FRYL: variants seen among roughly 807,000 people sequenced by gnomAD.
FRYL encodes FRY like transcription coactivator, also known as protein furry homolog-like.
FRYL carries 150 observed loss-of-function variants against 351.2 expected under a neutral mutation model. The observed-to-expected ratio is 0.43, with a 90% CI of 0.37 to 0.49. The LOEUF (loss-of-function observed/expected upper bound fraction) is 0.49. FRYL is among the 20% of genes least tolerant of loss of function. FRYL has a pLI of 0.00. For synonymous variants in FRYL, 1,153 were observed against 1,257.1 expected (o/e 0.92, Z 1.75); for missense variants, 3,036 against 3,619.3 (o/e 0.84, Z 4.13).
At position 48,499,673 on chromosome 4, in the gene FRYL, A is replaced by G. The variant is rs1719103912; in HGVS notation, c.8791T>C (p.Trp2931Arg). 2 of 1,613,582 alleles carry G rather than the reference A, an allele frequency of 1.2e-6. No individual in the cohort carries two copies. The highest frequency in any genetic ancestry group is 1.1e-5 in the South Asian group (1 of 90,990). The stretch of plus-strand genomic sequence containing the variant: ...CAACTGCCAAAGATATCACTGGGCC[A>G]GAGAGATCTGAAAATACACAATAGT... Reference protein sequence around the residue: ...VAQVKAFRSLWPSDIFGSCED... With the variant: ...VAQVKAFRSLRPSDIFGSCED... Residue 2931 changes from tryptophan to arginine, a missense_variant, in exon 64 of 64, where the codon TGG (tryptophan) becomes CGG (arginine). Coordinates refer to ENST00000358350, the MANE Select transcript of FRYL (RefSeq NM_015030.2).
Position 48,535,694 on chromosome 4 carries a change from GAGA to G in FRYL, c.6524_6526del (p.Phe2175del). 6.3e-7 allele frequency: 1 copy of G among 1,596,612 alleles called. No individual in the cohort carries two copies. Among genetic ancestry groups the G allele is most frequent in the South Asian group, 1.2e-5 (1 of 86,722 alleles). ...AGTCACAAGATTAAATGTTGTATCTGAGAAGGAGTCATGCAGGTATCTGCACAC... is the reference window on the plus strand; with the variant it reads ...AGTCACAAGATTAAATGTTGTATCTGAGGAGTCATGCAGGTATCTGCACAC... On this transcript the variant is annotated inframe_deletion, in exon 48 of 64. Coordinates refer to ENST00000358350, the MANE Select transcript of FRYL (RefSeq NM_015030.2).
At chr4:48,547,511 A>T in intron 41 of FRYL, 73 bp downstream of exon 41, 1 of 794,518 alleles carries the variant, frequency 1.3e-6, no homozygotes, top group Non-Finnish European at 1.9e-6. Flanking sequence ...TATTCAGTTG[A>T]CTTTCTCTAA....
At chr4:48,502,146 G>A (rs766197716) in intron 61 of FRYL, among the ~76,000 whole-genome samples, 5 of 152,054 alleles carry the variant, frequency 3.3e-5, no homozygotes, top group South Asian at 2.1e-4. Flanking sequence ...AAGTGAAACC[G>A]GATAACCTCT....
chr4:48,525,162 G>GATATATAT (rs1560536410), intron 53 of FRYL, among the ~76,000 whole-genome samples: 2 of 118,454 alleles, frequency 1.7e-5, no homozygotes, highest in Admixed American at 8.4e-5. Context: ...TATTTTTAAA[G>GATATATAT]GTATATATAT....
At chr4:48,534,269 CAG>C (rs1728386262) in intron 49 of FRYL, among the ~76,000 whole-genome samples, 1 of 152,088 alleles carries the variant, frequency 6.6e-6, no homozygotes, top group Admixed American at 6.6e-5. Context: ...TCCTAATTTC[CAG>C]AGTTTTGACT....
At chr4:48,625,297 A>G (rs990472270) in intron 4 of FRYL, among the ~76,000 whole-genome samples, 1 of 152,182 alleles carries the variant, frequency 6.6e-6, no homozygotes. Flanking sequence ...ATGTATACAC[A>G]TTTGCAAAGA....
chr4:48,621,137 CTA>C (rs1387973481), intron 5 of FRYL, among the ~76,000 whole-genome samples: 1 of 152,188 alleles, frequency 6.6e-6, no homozygotes, highest in Non-Finnish European at 1.5e-5. Context: ...CTGGCAACTC[CTA>C]TGTGTTCATG....
At chr4:48,670,359 AGAG>A (rs1166461439) in intron 3 of FRYL, among the ~76,000 whole-genome samples, 9 of 151,858 alleles carry the variant, frequency 5.9e-5, no homozygotes, top group African/African-American at 2.2e-4. Context: ...CTTGAACCCG[AGAG>A]GAGGAGGCTG....
chr4:48,683,377 CCTGCACATT>C (rs1260339164), intron 3 of FRYL, among the ~76,000 whole-genome samples: 1 of 150,660 alleles, frequency 6.6e-6, no homozygotes, highest in African/African-American at 2.4e-5. Context: ...ATGTAACAAA[CCTGCACATT>C]CTGCACATGT....
rs1364787705 is a variant in FRYL at position 48,579,183 on chromosome 4, G to A, written c.2318C>T (p.Ser773Phe). 1 of 1,613,630 alleles carries A rather than the reference G, an allele frequency of 6.2e-7. No homozygotes were observed. Among genetic ancestry groups the A allele is most frequent in the South Asian group, 1.1e-5 (1 of 91,060 alleles). Residue 773 changes from serine (S) to phenylalanine (F), a missense_variant, in exon 23 of 64, where the codon TCT becomes TTT. This residue lies in a region of FRYL where 492 missense variants were observed against 551.5 expected (regional missense o/e 0.89). Coordinates refer to ENST00000358350, the MANE Select transcript of FRYL (RefSeq NM_015030.2). ...ATCAAACTGGTGGCTAATAGGAGAA[G>A]AGTTCCATTCTGCTAAAGTTTGTAA... ...IDLQTLAEWN[S>F]SPISHQFDVI...
intron 1 of FRYL, among the ~76,000 whole-genome samples, chr4:48,761,007 C>CTGTGTGTGTGTGTGTGTG (rs57872533): frequency 1.5e-5 from 2 of 134,434 alleles, no homozygotes; most frequent in African/African-American, 3.0e-5. Context: ...ATTACTCTGT[C>CTGTGTGTGTGTGTGTGTG]TGTGTGTGTG....
chr4:48,594,045 G>T, intron 15 of FRYL, 29 bp from the exon 16 acceptor site: 1 of 1,131,442 alleles, frequency 8.8e-7, no homozygotes, highest in Non-Finnish European at 1.2e-6. Flanking sequence ...CTTATAACTT[G>T]CTACTATGTG....
intron 1 of FRYL, among the ~76,000 whole-genome samples, chr4:48,742,785 C>T (rs968778441): frequency 6.6e-6 from 1 of 151,902 alleles, no homozygotes; most frequent in African/African-American, 2.4e-5. Context: ...ACTTGTCCCA[C>T]CCTTTTGGAG....
intron 3 of FRYL, among the ~76,000 whole-genome samples, chr4:48,658,442 A>ATTC (rs1317572659): frequency 6.6e-6 from 1 of 152,036 alleles, no homozygotes; most frequent in Non-Finnish European, 1.5e-5. Flanking sequence ...AAAGAGACTG[A>ATTC]AAGGTTTTAG....
Position 48,543,832 on chromosome 4 carries a change from A to C in FRYL, c.5567T>G (p.Val1856Gly), listed in dbSNP as rs1021107878. 1.2e-6 allele frequency: 2 copies of C among 1,613,500 alleles called. No homozygotes were observed. Among genetic ancestry groups the C allele is most frequent in the African/African-American group, 2.7e-5 (2 of 74,880 alleles). The change falls in exon 44 of 64, where the codon GTA becomes GGA. Residue 1856 changes from valine (V) to glycine (G), a missense_variant. Transcript: ENST00000358350. ...CTGTGCATCTTCTCCTGGATCCCCT[A>C]CAGTTTCTACAAGTCTGGAGAGAAC... ...SDVLSRLVET[V>G]GDPGEDAQGF...
chr4:48,501,849 A>C (rs1719745049), intron 61 of FRYL, 116 bp from the exon 62 acceptor site: 1 of 689,056 alleles, frequency 1.5e-6, no homozygotes, highest in African/African-American at 1.8e-5. Flanking sequence ...TAAGGAAGTT[A>C]ATATGGTATG....
Position 48,576,268 on chromosome 4 carries a change from C to T in FRYL, c.2529-46G>A, listed in dbSNP as rs376526826. ...ATAGGCAGATATGAATAACACAACA[C>T]GTTTTTAAAAGTTTATTTTAACTAA... On this transcript the variant is annotated intron_variant, in intron 23 of 63. Coordinates refer to ENST00000358350, the MANE Select transcript of FRYL (RefSeq NM_015030.2). 63 of 1,353,684 alleles carry T rather than the reference C, an allele frequency of 4.7e-5. 1 individual carries two copies. Among genetic ancestry groups the T allele is most frequent in the Admixed American group, 4.5e-4 (17 of 37,914 alleles). The allele number at this position is 1,353,684 out of a possible 1,614,324, so 83.9% of individuals were successfully genotyped here.
chr4:48,503,086 C>T (rs1720071760), intron 60 of FRYL, among the ~76,000 whole-genome samples: 1 of 151,818 alleles, frequency 6.6e-6, no homozygotes. Flanking sequence ...TAGGCTATGA[C>T]TTATTTCTGT....
intron 40 of FRYL, 72 bp downstream of exon 40, chr4:48,548,618 T>A (rs1364734679): frequency 1.2e-6 from 1 of 844,910 alleles, no homozygotes; most frequent in Non-Finnish European, 1.9e-6. Flanking sequence ...ATAAAAACTG[T>A]CATAAAACCA....
Sources: gnomAD v4.1 joint callset for allele counts (sites outside exome capture counted in the v4.1 genomes callset) on GRCh38, gnomAD v4.1.1 for gene constraint, gnomAD v4.1.1 regional missense constraint, MANE v1.5 for transcripts, NCBI Gene and HGNC (gene_info 2026-07-23, HGNC 2026-07-21) for gene names.